The following LSP1 variants were observed in gnomAD, a reference collection of about 807,000 sequenced individuals.
LSP1 encodes lymphocyte-specific protein 1.
In LSP1, 32 loss-of-function variants were observed where a neutral mutation model predicts 49.3. That is an observed-to-expected ratio of 0.65 (90% CI 0.49 to 0.87). The LOEUF is 0.87. LSP1 is among the 40% of genes least tolerant of loss of function. LSP1 has a pLI of 0.00. For synonymous variants in LSP1, 179 were observed against 178.8 expected (o/e 1.00, Z -0.01); for missense variants, 428 against 442.6 (o/e 0.97, Z 0.30).
At chr11:1,877,318 G>T (rs1180015328) in intron 1 of LSP1, among the ~76,000 whole-genome samples, 2 of 152,152 alleles carry the variant, frequency 1.3e-5, no homozygotes, top group Non-Finnish European at 2.9e-5. Context: ...GACGTAGAAG[G>T]GGCCCAGAGG....
rs1476560268 is a variant in LSP1 at position 1,884,446 on chromosome 11, G to T, written c.636-54G>T. On this transcript the variant is annotated intron_variant, in intron 6 of 10. Transcript: ENST00000311604. This position sits in a 1 kb window ranked among gnomAD's most constrained non-coding sequence, Gnocchi z 4.1. The stretch of plus-strand genomic sequence containing the variant: ...GGGGCTCTGGGAGAGGCTTGGGCAG[G>T]TTGGGAGAAGCCTTGTGGGAGACAT... 13 of 1,603,152 alleles carry T rather than the reference G, an allele frequency of 8.1e-6. No individual in the cohort carries two copies. In the East Asian group the frequency reaches 2.7e-4, roughly 33 times the overall value.
At chr11:1,887,609 G>A in intron 10 of LSP1, 33 bp downstream of exon 10, 1 of 1,563,150 alleles carries the variant, frequency 6.4e-7, no homozygotes, top group South Asian at 1.1e-5. Context: ...AAGGGGATGA[G>A]GTGCACACAC....
chr11:1,866,279 T>C (rs1163657315), intron 1 of LSP1, among the ~76,000 whole-genome samples: 1 of 152,182 alleles, frequency 6.6e-6, no homozygotes, highest in Non-Finnish European at 1.5e-5. Context: ...GACCTCGAGC[T>C]ACTGGAAGGC....
At chr11:1,853,238 C>T (rs752865612) in intron 1 of LSP1, 41 bp downstream of exon 1, 2 of 1,592,844 alleles carry the variant, frequency 1.3e-6, no homozygotes, top group Admixed American at 1.8e-5. Context: ...GTGCCGTGTC[C>T]ACGGGTGCAT....
intron 2 of LSP1, 58 bp downstream of exon 2, chr11:1,880,282 C>T: frequency 6.1e-6 from 9 of 1,479,028 alleles, no homozygotes; most frequent in South Asian, 1.4e-5. Context: ...ACCCTGGGGC[C>T]TGGGCAGAGG....
chr11:1,854,702 G>T (rs1355528323), intron 1 of LSP1, among the ~76,000 whole-genome samples: 1 of 152,094 alleles, frequency 6.6e-6, no homozygotes, highest in Admixed American at 6.5e-5. Context: ...TGCCCAGGCC[G>T]TGTGCAGGGA....
chr11:1,864,550 C>T (rs867096614), intron 1 of LSP1, among the ~76,000 whole-genome samples: 2 of 151,990 alleles, frequency 1.3e-5, no homozygotes, highest in Admixed American at 6.5e-5. Context: ...CTGAGCCCCA[C>T]GCTGCTGGGC....
At chr11:1,862,091 GTGGATAAATGGA>G (rs1847656796) in intron 1 of LSP1, among the ~76,000 whole-genome samples, 1 of 151,676 alleles carries the variant, frequency 6.6e-6, no homozygotes, top group African/African-American at 2.4e-5. Flanking sequence ...GCATGGATGA[GTGGATAAATGGA>G]TGGATGAATA....
chr11:1,881,309 G>A (rs1848527524), intron 2 of LSP1, 123 bp from the exon 3 acceptor site: 2 of 966,600 alleles, frequency 2.1e-6, no homozygotes, highest in South Asian at 1.8e-5. Context: ...AGCCAGCTCT[G>A]TGGCAGACAG....
In LSP1 at chr11:1,871,040, G is replaced by A. The variant is rs535721700; in HGVS notation, c.54-9047G>A. The stretch of plus-strand genomic sequence containing the variant: ...GCACCGAGTGGGGCTGCATGTAGAC[G>A]CATGCGAGGGTGAGAGCTGCGGCGG... On this transcript the variant is annotated intron_variant, in intron 1 of 10. Transcript: ENST00000311604. 13 of 985,620 alleles carry A rather than the reference G, an allele frequency of 1.3e-5. No homozygotes were observed. In the South Asian group the frequency reaches 4.2e-4, roughly 32 times the overall value. 61.1% of individuals were successfully genotyped at this position (985,620 alleles called of 1,614,324 possible). A position where few individuals can be genotyped will look rare whatever the true frequency, so the allele number is the denominator to read the frequency against.
At chr11:1,870,928 G>A in intron 1 of LSP1, 3 of 985,856 alleles carry the variant, frequency 3.0e-6, no homozygotes, top group Non-Finnish European at 3.6e-6. Context: ...GCTCCCGAGG[G>A]CCGTCGAGCA....
At chr11:1,866,778 C>A in intron 1 of LSP1, 1 of 1,550,498 alleles carries the variant, frequency 6.4e-7, no homozygotes, top group Non-Finnish European at 8.7e-7. Flanking sequence ...AACAAATGGG[C>A]CCAAGAGAAG....
chr11:1,880,043 C>G, intron 1 of LSP1, 44 bp from the exon 2 acceptor site: 2 of 1,598,312 alleles, frequency 1.3e-6, no homozygotes, highest in Non-Finnish European at 1.7e-6. Context: ...AAAACAGCAC[C>G]TGTGTCGGCT....
intron 1 of LSP1, chr11:1,859,553 A>T (rs928893181): frequency 6.5e-6 from 1 of 154,508 alleles, no homozygotes; most frequent in Non-Finnish European, 1.5e-5. Flanking sequence ...AAGCAATGGG[A>T]CTTGGGATAG....
At chr11:1,860,509 T>C (rs374016649) in intron 1 of LSP1, among the ~76,000 whole-genome samples, 3 of 152,022 alleles carry the variant, frequency 2.0e-5, no homozygotes, top group South Asian at 2.1e-4. Flanking sequence ...GAACAAAAAA[T>C]AGATGGATGG....
At position 1,885,296 on chromosome 11, in the gene LSP1, C is replaced by T. The variant is rs1366316794; in HGVS notation, c.717+715C>T. 4.6e-5 allele frequency among the ~76,000 whole-genome samples: 7 copies of T among 152,054 alleles called. No homozygotes were observed. In the East Asian group the frequency reaches 7.7e-4, roughly 17 times the overall value. On this transcript the variant is annotated intron_variant, in intron 7 of 10. Coordinates refer to ENST00000311604, the MANE Select transcript of LSP1 (RefSeq NM_002339.3). ...CCACATGCCAGCCCCTCCATTCAAT[C>T]GGTACCTCTCCATCCAATCATCCAA...
intron 10 of LSP1, chr11:1,890,545 C>T (rs564530228): frequency 4.8e-5 from 34 of 713,852 alleles, no homozygotes; most frequent in East Asian, 3.5e-4. Context: ...AGGCTTGGGC[C>T]GCACACCTCG....
chr11:1,886,944 T>C (rs1848778991), intron 8 of LSP1, 78 bp downstream of exon 8: 1 of 1,536,992 alleles, frequency 6.5e-7, no homozygotes, highest in Non-Finnish European at 8.8e-7. Context: ...GTTTCCTTGT[T>C]AAGACAAGCA....
rs1011877512 is a variant in LSP1 at position 1,887,378 on chromosome 11, G to A, written c.930+64G>A. 56 of 1,569,214 alleles carry A rather than the reference G, an allele frequency of 3.6e-5. No individual in the cohort carries two copies. In the African/African-American group the frequency reaches 5.8e-4, roughly 16 times the overall value. ...CAGCAGGGGAGGGCAAAGAGGGACT[G>A]TCCTCTGTGCATCTGGGAGGGCTTC... On this transcript the variant is annotated intron_variant, in intron 9 of 10. Coordinates refer to ENST00000311604, the MANE Select transcript of LSP1 (RefSeq NM_002339.3).
Sources: gnomAD v4.1 joint callset for allele counts (sites outside exome capture counted in the v4.1 genomes callset) on GRCh38, gnomAD v4.1.1 for gene constraint, Gnocchi (gnomAD v3.1) non-coding constraint, MANE v1.5 for transcripts, NCBI Gene and HGNC (gene_info 2026-07-23, HGNC 2026-07-21) for gene names.